The following CHMP5 variants were observed in gnomAD, a reference collection of about 807,000 sequenced individuals.
The protein encoded by CHMP5 is charged multivesicular body protein 5, also known as SNF7 domain containing 2.
In CHMP5, 17 loss-of-function variants were observed where a neutral mutation model predicts 33.0. The observed-to-expected ratio is 0.52, with a 90% CI of 0.35 to 0.77. The LOEUF (loss-of-function observed/expected upper bound fraction) is 0.77. Among genes scored for constraint, CHMP5 ranks in the 30% least tolerant of loss-of-function variants. The pLI is 0.01. For synonymous variants in CHMP5, 76 were observed against 90.2 expected (o/e 0.84, Z 0.89); for missense variants, 216 against 261.5 (o/e 0.83, Z 1.20).
At chr9:33,265,270 C>T (rs1042121796) in intron 1 of CHMP5, 123 bp downstream of exon 1, 5 of 875,050 alleles carry the variant, frequency 5.7e-6, no homozygotes, top group African/African-American at 3.3e-5. Context: ...ACACGTCGTC[C>T]CTCTCTATCT....
At chr9:33,266,343 G>T (rs1820723420) in intron 2 of CHMP5, among the ~76,000 whole-genome samples, 1 of 152,156 alleles carries the variant, frequency 6.6e-6, no homozygotes, top group Non-Finnish European at 1.5e-5. Context: ...ATGGTGGCAG[G>T]CGCCTGTAAT....
intron 5 of CHMP5, among the ~76,000 whole-genome samples, chr9:33,275,110 A>G (rs547579974): frequency 3.9e-5 from 6 of 152,198 alleles, no homozygotes; most frequent in Non-Finnish European, 7.3e-5. Flanking sequence ...TTACCCTTGA[A>G]CAGCAAATGC....
At chr9:33,265,602 C>T (rs115937251) in intron 1 of CHMP5, among the ~76,000 whole-genome samples, 1,533 of 152,316 alleles carry the variant, frequency 0.01, 21 homozygotes, top group African/African-American at 0.035. Context: ...CCTAGCCCCT[C>T]AGATTAAGCC....
In CHMP5 at chr9:33,280,977, T is replaced by C; in HGVS notation, c.*118T>C. ...TTTCTTTCCTTTCTTTGAAGGAAAG[T>C]TTAATTACATTGCTCTTTTATTTTT... On this transcript the variant is annotated 3_prime_UTR_variant, in exon 8 of 8. Coordinates refer to ENST00000223500, the MANE Select transcript of CHMP5 (RefSeq NM_016410.6). The C allele has an allele frequency of 1.5e-6, 1 of 684,946 alleles. No individual in the cohort carries two copies. The highest frequency in any genetic ancestry group is 3.0e-5 in the Admixed American group (1 of 32,984). 42.4% of individuals were successfully genotyped at this position (684,946 alleles called of 1,614,324 possible).
chr9:33,265,375 C>T (rs952727969), intron 1 of CHMP5, among the ~76,000 whole-genome samples: 4 of 152,108 alleles, frequency 2.6e-5, no homozygotes, highest in African/African-American at 9.7e-5. Context: ...TGCCAGCACC[C>T]AACCCGTTTT....
At chr9:33,278,029 A>T in intron 6 of CHMP5, 84 bp from the exon 7 acceptor site, 1 of 836,458 alleles carries the variant, frequency 1.2e-6, no homozygotes, top group Non-Finnish European at 2.0e-6. Context: ...GCCTTCTTTC[A>T]AGTCCATCGA....
At chr9:33,265,194 C>T (rs768194877) in intron 1 of CHMP5, 47 bp downstream of exon 1, 1 of 1,578,684 alleles carries the variant, frequency 6.3e-7, no homozygotes, top group Non-Finnish European at 8.7e-7. Context: ...TCTGACACAC[C>T]CGACCCCGCC....
At chr9:33,265,951 C>A in intron 1 of CHMP5, 59 bp from the exon 2 acceptor site, 1 of 1,084,062 alleles carries the variant, frequency 9.2e-7, no homozygotes, top group Non-Finnish European at 1.4e-6. Context: ...TCTCTACCTG[C>A]CCCTTCTGGA....
At chr9:33,265,169 A>G in intron 1 of CHMP5, 22 bp downstream of exon 1, 2 of 1,612,870 alleles carry the variant, frequency 1.2e-6, no homozygotes, top group Non-Finnish European at 1.7e-6. Flanking sequence ...ATCATGCATA[A>G]GTAGGCTCAG....
chr9:33,273,721 CT>C (rs566756721), intron 5 of CHMP5, among the ~76,000 whole-genome samples: 3,042 of 142,570 alleles, frequency 0.021, 99 homozygotes, highest in African/African-American at 0.065. Context: ...TAGCTTAGTG[CT>C]TTTTTTTTTT....
At position 33,270,642 on chromosome 9, in the gene CHMP5, A is replaced by G. The variant is rs886826715; in HGVS notation, c.241A>G (p.Asn81Asp). 4.3e-6 allele frequency: 7 copies of G among 1,614,032 alleles called. No individual in the cohort carries two copies. The highest frequency in any genetic ancestry group is 5.9e-6 in the Non-Finnish European group (7 of 1,180,008). Residue 81 changes from asparagine to aspartate, a missense_variant, in exon 4 of 8, where the codon AAT becomes GAT. Coordinates refer to ENST00000223500, the MANE Select transcript of CHMP5 (RefSeq NM_016410.6). Reference protein sequence around the residue: ...QKRMYEQQRDNLAQQSFNMEQ... With the variant: ...QKRMYEQQRDDLAQQSFNMEQ... Reference sequence around the variant, plus strand: ...AAAAAGGTATGAGCAGCAGCGGGACAATCTTGCCCAACAGTCATTCAACAT... The same window carrying G: ...AAAAAGGTATGAGCAGCAGCGGGACGATCTTGCCCAACAGTCATTCAACAT...
intron 2 of CHMP5, among the ~76,000 whole-genome samples, chr9:33,266,361 A>G (rs1564084928): frequency 6.6e-6 from 1 of 152,180 alleles, no homozygotes. Context: ...AATCCCAGCT[A>G]CTCAGGAGGC....
intron 4 of CHMP5, 103 bp from the exon 5 acceptor site, chr9:33,271,049 C>A: frequency 2.2e-6 from 2 of 904,380 alleles, no homozygotes; most frequent in Non-Finnish European, 3.5e-6. Context: ...CCAGCCTGGG[C>A]AGCAAGAGTG....
intron 5 of CHMP5, among the ~76,000 whole-genome samples, chr9:33,271,540 G>T (rs2118026481): frequency 6.6e-6 from 1 of 152,256 alleles, no homozygotes; most frequent in East Asian, 1.9e-4. Flanking sequence ...CTGTTTTTCA[G>T]TTTCCATACA....
At chr9:33,266,137 C>A in intron 2 of CHMP5, 23 bp downstream of exon 2, 1 of 1,527,596 alleles carries the variant, frequency 6.5e-7, no homozygotes, top group Admixed American at 1.7e-5. Flanking sequence ...GCAACTGCTG[C>A]ACAAGGTGCT....
intron 3 of CHMP5, among the ~76,000 whole-genome samples, chr9:33,268,947 T>C (rs149895005): frequency 5.4e-4 from 82 of 152,344 alleles, no homozygotes; most frequent in African/African-American, 1.9e-3. Context: ...TGTTATATCA[T>C]GAGCATCTCC....
chr9:33,279,303 A>C (rs193141617), intron 7 of CHMP5, among the ~76,000 whole-genome samples: 1 of 152,162 alleles, frequency 6.6e-6, no homozygotes, highest in East Asian at 1.9e-4. Context: ...AGTTTTTCCT[A>C]CCTGTAAAAT....
intron 5 of CHMP5, among the ~76,000 whole-genome samples, chr9:33,275,940 T>C (rs1357869775): frequency 6.6e-6 from 1 of 152,042 alleles, no homozygotes; most frequent in African/African-American, 2.4e-5. Context: ...ACCCGGGAAG[T>C]GAAGGTTGCA....
intron 7 of CHMP5, among the ~76,000 whole-genome samples, chr9:33,280,081 A>G (rs1180373523): frequency 3.3e-5 from 5 of 151,928 alleles, no homozygotes; most frequent in Non-Finnish European, 7.4e-5. Context: ...GATTCAAGCA[A>G]TCCACCCACC....
Sources: allele counts gnomAD v4.1 joint callset (sites outside exome capture counted in the v4.1 genomes callset), GRCh38; gene constraint gnomAD v4.1.1; transcripts MANE v1.5; gene names NCBI Gene and HGNC (gene_info 2026-07-23, HGNC 2026-07-21).